Variants in ABTB3 observed in about 807,000 individuals in gnomAD.
The protein encoded by ABTB3 is ankyrin repeat and BTB domain containing 3, also known as ankyrin repeat- and BTB/POZ domain-containing protein 3.
the ABTB3 span, among the ~76,000 whole-genome samples, chr12:107,584,484 C>T: frequency 6.6e-6 from 1 of 152,232 alleles, no homozygotes; most frequent in Non-Finnish European, 1.5e-5. Context: ...CCCAGACATT[C>T]ATTTTAGAAG....
chr12:107,349,825 C>T, the ABTB3 span, among the ~76,000 whole-genome samples: 1 of 152,172 alleles, frequency 6.6e-6, no homozygotes, highest in African/African-American at 2.4e-5. Context: ...AAATGCCTTT[C>T]TTGGAGGAGC....
At chr12:107,565,121 C>G in the ABTB3 span, among the ~76,000 whole-genome samples, 1 of 152,184 alleles carries the variant, frequency 6.6e-6, no homozygotes. Flanking sequence ...AAGCTGGAAA[C>G]AGGAGAACAG....
At chr12:107,518,468 A>C in the ABTB3 span, among the ~76,000 whole-genome samples, 3 of 152,138 alleles carry the variant, frequency 2.0e-5, no homozygotes, top group Admixed American at 6.5e-5. Flanking sequence ...ATGGATGAAG[A>C]TGGAAACCAT....
the ABTB3 span, among the ~76,000 whole-genome samples, chr12:107,588,154 C>A: frequency 6.6e-6 from 1 of 152,190 alleles, no homozygotes; most frequent in South Asian, 2.1e-4. Context: ...ATAAGGAAAG[C>A]AGTCATATTA....
At chr12:107,503,756 C>CAAAAAAAAAAAAAAAAAAAAAAAA in the ABTB3 span, among the ~76,000 whole-genome samples, 1 of 70,766 alleles carries the variant, frequency 1.4e-5, no homozygotes, top group East Asian at 3.4e-4. Context: ...GACCCTATCT[C>CAAAAAAAAAAAAAAAAAAAAAAAA]AAAAAAAAAA....
chr12:107,657,588 C>G, the ABTB3 span: 1 of 1,614,222 alleles, frequency 6.2e-7, no homozygotes, highest in South Asian at 1.1e-5. Context: ...GAAAACGAAG[C>G]ATTCAAGCAG....
At chr12:107,445,587 A>G in the ABTB3 span, among the ~76,000 whole-genome samples, 1 of 152,200 alleles carries the variant, frequency 6.6e-6, no homozygotes, top group African/African-American at 2.4e-5. Flanking sequence ...AGGGCATCTC[A>G]GAGAAGAGAA....
chr12:107,515,662 C>T, the ABTB3 span, among the ~76,000 whole-genome samples: 1 of 152,188 alleles, frequency 6.6e-6, no homozygotes, highest in Non-Finnish European at 1.5e-5. Flanking sequence ...GTAAGGATGA[C>T]TCAGTGTGTT....
the ABTB3 span, among the ~76,000 whole-genome samples, chr12:107,564,084 A>C: frequency 2.5e-4 from 26 of 104,886 alleles, no homozygotes; most frequent in East Asian, 3.5e-3. Flanking sequence ...CTCTCTATCT[A>C]TCTCTCTGTG....
At chr12:107,618,613 C>T in the ABTB3 span, among the ~76,000 whole-genome samples, 2 of 152,328 alleles carry the variant, frequency 1.3e-5, no homozygotes, top group African/African-American at 4.8e-5. Flanking sequence ...CCCCAAAGAC[C>T]CATCCTCAGA....
the ABTB3 span, among the ~76,000 whole-genome samples, chr12:107,573,718 A>T: frequency 6.6e-6 from 1 of 152,358 alleles, no homozygotes; most frequent in Non-Finnish European, 1.5e-5. Flanking sequence ...CCCAGAGAAG[A>T]GTTGAGGTTG....
chr12:107,640,644 G>C, the ABTB3 span, among the ~76,000 whole-genome samples: 2 of 152,210 alleles, frequency 1.3e-5, no homozygotes, highest in Admixed American at 1.3e-4. Context: ...GCAGAACATG[G>C]ATTGGATTTT....
chr12:107,376,264 A>C, the ABTB3 span, among the ~76,000 whole-genome samples: 2 of 152,088 alleles, frequency 1.3e-5, no homozygotes, highest in African/African-American at 4.8e-5. Context: ...TGTTTCACTC[A>C]ACTCCAGGAG....
At chr12:107,484,627 G>A in the ABTB3 span, among the ~76,000 whole-genome samples, 1 of 150,318 alleles carries the variant, frequency 6.7e-6, no homozygotes, top group African/African-American at 2.5e-5. Context: ...GAATCACTCT[G>A]GTTGTTGCAT....
At chr12:107,648,380 C>CCACACACACACACACACACA in the ABTB3 span, among the ~76,000 whole-genome samples, 3,709 of 140,070 alleles carry the variant, frequency 0.026, 79 homozygotes, top group East Asian at 0.058. Context: ...GACCCCATCT[C>CCACACACACACACACACACA]CACACACACA....
At chr12:107,331,611 G>T in the ABTB3 span, among the ~76,000 whole-genome samples, 23 of 152,160 alleles carry the variant, frequency 1.5e-4, 1 homozygote, top group Non-Finnish European at 2.9e-4. Context: ...GAAGCCTGCA[G>T]GGATGGGGTG....
At chr12:107,502,504 C>T in the ABTB3 span, among the ~76,000 whole-genome samples, 165 of 152,184 alleles carry the variant, frequency 1.1e-3, no homozygotes, top group African/African-American at 3.6e-3. Context: ...TGATTTGTGA[C>T]CCTCAAAACG....
chr12:107,588,050 A>G, the ABTB3 span, among the ~76,000 whole-genome samples: 4 of 152,166 alleles, frequency 2.6e-5, no homozygotes. Flanking sequence ...GGCTGCAGGC[A>G]TTCCTTGGCT....
chr12:107,598,620 G>A, the ABTB3 span, among the ~76,000 whole-genome samples: 1 of 152,166 alleles, frequency 6.6e-6, no homozygotes, highest in Non-Finnish European at 1.5e-5. Flanking sequence ...CATGAAATAA[G>A]AGCAAAAACA....
Sources: gnomAD v4.1 joint callset for allele counts (sites outside exome capture counted in the v4.1 genomes callset) on GRCh38, gnomAD v4.1.1 for gene constraint, MANE v1.5 for transcripts, NCBI Gene and HGNC (gene_info 2026-07-23, HGNC 2026-07-21) for gene names.